BCKDHB: variants seen among roughly 807,000 people sequenced by gnomAD.
BCKDHB encodes the protein branched chain keto acid dehydrogenase E1 subunit beta, also known as 2-oxoisovalerate dehydrogenase subunit beta, mitochondrial.
Under a neutral mutation model 48.5 loss-of-function variants are expected in BCKDHB, and 41 were observed. The observed-to-expected ratio is 0.85, with a 90% CI of 0.66 to 1.10. The LOEUF (loss-of-function observed/expected upper bound fraction) is 1.10, where lower values mean the gene tolerates loss of function less well. Among genes scored for constraint, BCKDHB ranks in the 50% least tolerant of loss-of-function variants. The probability of loss-of-function intolerance (pLI) is 0.00; values close to 1 mark genes in which losing one functional copy is unlikely to be tolerated. For synonymous variants in BCKDHB, 201 were observed against 174.8 expected, an observed-to-expected ratio of 1.15 and a Z score of -1.18; for missense variants, 496 against 494.2, an observed-to-expected ratio of 1.00 and a Z score of -0.03.
the BCKDHB span, among the ~76,000 whole-genome samples, chr6:80,366,097 C>T: frequency 6.6e-6 from 1 of 152,154 alleles, no homozygotes; most frequent in Admixed American, 6.5e-5. Context: ...AGACCAATGC[C>T]ATAGCCTTGA....
At chr6:80,449,794 A>C in the BCKDHB span, among the ~76,000 whole-genome samples, 8 of 152,188 alleles carry the variant, frequency 5.3e-5, no homozygotes, top group Non-Finnish European at 8.8e-5. Context: ...ATATGACAAT[A>C]ATGTTCTGTC....
chr6:80,219,675 A>G (rs1775325779), intron 8 of BCKDHB, among the ~76,000 whole-genome samples: 1 of 152,172 alleles, frequency 6.6e-6, no homozygotes, highest in South Asian at 2.1e-4. Flanking sequence ...GAGTACATTC[A>G]TAATTAACTT....
chr6:80,316,336 A>T (rs1204172488), intron 9 of BCKDHB, among the ~76,000 whole-genome samples: 5 of 151,904 alleles, frequency 3.3e-5, no homozygotes, highest in African/African-American at 4.8e-5. Flanking sequence ...CCAATTCTGT[A>T]TCATTATGAG....
intron 3 of BCKDHB, 71 bp from the exon 4 acceptor site, chr6:80,167,607 A>AT: frequency 6.9e-7 from 1 of 1,453,810 alleles, no homozygotes; most frequent in Non-Finnish European, 9.6e-7. Flanking sequence ...AGTTTACTGA[A>AT]TTTTTAAATG....
At chr6:80,384,516 G>C in the BCKDHB span, among the ~76,000 whole-genome samples, 3 of 151,936 alleles carry the variant, frequency 2.0e-5, no homozygotes, top group East Asian at 3.9e-4. Flanking sequence ...CTGCCACAAT[G>C]CCTGGCTAAC....
At chr6:80,143,607 G>T (rs1394922161) in intron 3 of BCKDHB, among the ~76,000 whole-genome samples, 1 of 152,190 alleles carries the variant, frequency 6.6e-6, no homozygotes, top group Non-Finnish European at 1.5e-5. Context: ...TTGATTGGCA[G>T]AGTTGATGAA....
Position 80,211,519 on chromosome 6 carries a change from A to G in BCKDHB, c.951+8307A>G, listed in dbSNP as rs77563813. Among the ~76,000 whole-genome samples, 1,419 of 152,254 alleles carry G rather than the reference A, an allele frequency of 9.3e-3. 30 individuals are homozygous for G. Among genetic ancestry groups the G allele is most frequent in the African/African-American group, 0.033 (1,350 of 41,534 alleles). On this transcript the variant is annotated intron_variant, in intron 8 of 9. Coordinates refer to ENST00000320393, the MANE Select transcript of BCKDHB (RefSeq NM_183050.4). ...GCCATAGGCAGAGTTGATACTTTTA[A>G]TCTGAGTCATATCATGTTCCTTCTA...
the BCKDHB span, among the ~76,000 whole-genome samples, chr6:80,449,297 G>T: frequency 6.6e-6 from 1 of 152,078 alleles, no homozygotes; most frequent in Non-Finnish European, 1.5e-5. Context: ...AGTTTGGTGA[G>T]GTTAAAATAA....
chr6:80,317,470 G>T (rs958324738), intron 9 of BCKDHB, among the ~76,000 whole-genome samples: 1 of 152,164 alleles, frequency 6.6e-6, no homozygotes, highest in Non-Finnish European at 1.5e-5. Context: ...CAAAGCCACA[G>T]AAATTGCATC....
the BCKDHB span, among the ~76,000 whole-genome samples, chr6:80,398,169 A>C: frequency 6.6e-6 from 1 of 152,140 alleles, no homozygotes; most frequent in Non-Finnish European, 1.5e-5. Flanking sequence ...AACTAAAAAA[A>C]AATTAGGGAA....
the BCKDHB span, among the ~76,000 whole-genome samples, chr6:80,400,617 G>A: frequency 1.5e-4 from 23 of 152,118 alleles, no homozygotes; most frequent in Non-Finnish European, 2.1e-4. Flanking sequence ...TATACTGTTG[G>A]TGGGAGTTTA....
chr6:80,353,990 T>C, the BCKDHB span, among the ~76,000 whole-genome samples: 1 of 152,210 alleles, frequency 6.6e-6, no homozygotes, highest in Admixed American at 6.5e-5. Flanking sequence ...ATGTCTTCTT[T>C]TGAGAAATGT....
the BCKDHB span, among the ~76,000 whole-genome samples, chr6:80,395,147 G>A: frequency 6.6e-6 from 1 of 152,160 alleles, no homozygotes; most frequent in Non-Finnish European, 1.5e-5. Flanking sequence ...TTGGCACCAG[G>A]TGTGGGGTGC....
chr6:80,346,041 A>G lies in BCKDHB; in HGVS notation c.*2237A>G, dbSNP rs1400153447. On this transcript the variant is annotated 3_prime_UTR_variant, in exon 10 of 10. Coordinates refer to ENST00000320393, the MANE Select transcript of BCKDHB (RefSeq NM_183050.4). ...TGAATTTTTTTTTATATTTCCTCCG[A>G]CTTACCTCTTTTTGAAAAGAGAGTT... 1 of 152,152 alleles carries G rather than the reference A, an allele frequency of 6.6e-6. No individual in the cohort carries two copies. Among genetic ancestry groups the G allele is most frequent in the Non-Finnish European group, 1.5e-5 (1 of 68,024 alleles). The allele number at this position is 152,152 out of a possible 1,614,324, so 9.4% of individuals were successfully genotyped here.
At chr6:80,405,546 A>G in the BCKDHB span, among the ~76,000 whole-genome samples, 5 of 152,138 alleles carry the variant, frequency 3.3e-5, no homozygotes, top group Admixed American at 1.3e-4. Flanking sequence ...ATTCATAGGT[A>G]AGGCCTTACT....
intron 8 of BCKDHB, among the ~76,000 whole-genome samples, chr6:80,262,879 G>C (rs1777362070): frequency 6.6e-6 from 1 of 151,998 alleles, no homozygotes. Flanking sequence ...ACTTCTTCTG[G>C]TATAATAGAC....
the BCKDHB span, among the ~76,000 whole-genome samples, chr6:80,424,628 A>G: frequency 3.9e-5 from 6 of 152,182 alleles, no homozygotes; most frequent in African/African-American, 1.4e-4. Flanking sequence ...TTCTTGAAAT[A>G]TTTAATTTGA....
At chr6:80,149,284 C>T (rs1771642114) in intron 3 of BCKDHB, among the ~76,000 whole-genome samples, 2 of 152,270 alleles carry the variant, frequency 1.3e-5, no homozygotes, top group South Asian at 4.1e-4. Context: ...CATCTCACAC[C>T]AGTTAGAATG....
At chr6:80,401,625 A>G in the BCKDHB span, among the ~76,000 whole-genome samples, 2 of 151,780 alleles carry the variant, frequency 1.3e-5, no homozygotes, top group African/African-American at 4.8e-5. Flanking sequence ...CTAATGCATT[A>G]AGTATACAAC....
Sources: gnomAD v4.1 joint callset for allele counts (sites outside exome capture counted in the v4.1 genomes callset) on GRCh38, gnomAD v4.1.1 for gene constraint, MANE v1.5 for transcripts, NCBI Gene and HGNC (gene_info 2026-07-23, HGNC 2026-07-21) for gene names.